Variants in DDX11 observed in about 807,000 individuals in gnomAD.
The protein encoded by DDX11 is DEAD/H-box helicase 11.
In DDX11, 72 loss-of-function variants were observed where a neutral mutation model predicts 125.2. That is an observed-to-expected ratio of 0.58 (90% CI 0.48 to 0.70). DDX11 has a LOEUF of 0.70. Ranked by LOEUF, DDX11 falls within the 30% of genes least tolerant of loss-of-function variation. The pLI, the probability that DDX11 is intolerant of heterozygous loss-of-function variation, is 0.00. For missense variants in DDX11, 883 were observed against 1,165.0 expected (o/e 0.76, Z 3.52); for synonymous variants, 347 against 452.6 (o/e 0.77, Z 2.96).
intron 6 of DDX11, 88 bp from the exon 7 acceptor site, chr12:31,088,956 C>G: frequency 9.4e-7 from 1 of 1,060,868 alleles, no homozygotes. Flanking sequence ...TTCCCTCAGC[C>G]TCTCAGGCCC....
intron 12 of DDX11, 86 bp downstream of exon 12, chr12:31,093,410 T>G (rs772476404): frequency 4.5e-6 from 7 of 1,568,150 alleles, no homozygotes; most frequent in Non-Finnish European, 6.1e-6. Context: ...GACACCTCAG[T>G]TCTCTGTGTT....
chr12:31,078,027 CATT>C (rs1254564818), intron 1 of DDX11: 3 of 390,920 alleles, frequency 7.7e-6, no homozygotes, highest in African/African-American at 6.3e-5. Context: ...CTGCAAAAGT[CATT>C]ATAAGCAACA....
intron 9 of DDX11, 41 bp downstream of exon 9, chr12:31,090,135 A>T (rs1943945197): frequency 1.9e-6 from 3 of 1,547,692 alleles, no homozygotes; most frequent in Non-Finnish European, 2.6e-6. Flanking sequence ...CTTGACTCTC[A>T]CTGTGGTCTA....
chr12:31,098,248 G>C (rs1370016203), intron 18 of DDX11, among the ~76,000 whole-genome samples: 1 of 152,244 alleles, frequency 6.6e-6, no homozygotes, highest in African/African-American at 2.4e-5. Context: ...CCCAGAGAAA[G>C]CTGTTCTGTG....
Position 31,091,750 on chromosome 12 carries a change from A to G in DDX11, c.1121A>G (p.His374Arg), listed in dbSNP as rs1944266628. Residue 374 changes from histidine (H) to arginine (R), a missense_variant, in exon 10 of 27, where the codon CAT becomes CGT. Transcript: ENST00000542838. Reference sequence around the variant, plus strand: ...GTGCTGCCCTATCAGATGCTGCTGCATGCGGCCACTCGGCAGGCCGCGGGC... The same window carrying G: ...GTGCTGCCCTATCAGATGCTGCTGCGTGCGGCCACTCGGCAGGCCGCGGGC... The part of the protein sequence containing the change: ...LVVLPYQMLL[H>R]AATRQAAGIR... 7 of 1,613,556 alleles carry G rather than the reference A, an allele frequency of 4.3e-6. No homozygotes were observed. The highest frequency in any genetic ancestry group is 1.1e-5 in the South Asian group (1 of 91,076).
intron 1 of DDX11, among the ~76,000 whole-genome samples, chr12:31,077,497 G>T (rs772994739): frequency 2.6e-5 from 4 of 151,864 alleles, no homozygotes; most frequent in African/African-American, 9.7e-5. Context: ...GGCTCTGTTC[G>T]GTGCTGGAAA....
intron 12 of DDX11, chr12:31,093,723 A>AAAAAAAAAAAG (rs1944683752): frequency 7.9e-6 from 1 of 126,194 alleles, no homozygotes; most frequent in Non-Finnish European, 1.6e-5. Context: ...TCAGTCTCAA[A>AAAAAAAAAAAG]AAAAAAAAAA....
chr12:31,094,138 G>C (rs1944787599), intron 12 of DDX11, among the ~76,000 whole-genome samples: 1 of 152,210 alleles, frequency 6.6e-6, no homozygotes, highest in South Asian at 2.1e-4. Flanking sequence ...TTTTATGATG[G>C]GGCACCCCCT....
At position 31,096,843 on chromosome 12, in the gene DDX11, G is replaced by A. The variant is rs372110755; in HGVS notation, c.1631-16G>A. 83 of 1,614,056 alleles carry A rather than the reference G, an allele frequency of 5.1e-5. No individual in the cohort carries two copies. Among genetic ancestry groups the A allele is most frequent in the African/African-American group, 9.3e-5 (7 of 74,922 alleles). On this transcript the variant is annotated splice_polypyrimidine_tract_variant and intron_variant, in intron 16 of 26. Coordinates refer to ENST00000542838, the MANE Select transcript of DDX11 (RefSeq NM_030653.4). ...CTGACCAGAGGGAGGCCTCCTCCCC[G>A]TTCTGCTCTGTGCAGCTCTTGCAGC...
At chr12:31,088,589 C>CTT (rs1402209867) in intron 6 of DDX11, among the ~76,000 whole-genome samples, 2 of 104,304 alleles carry the variant, frequency 1.9e-5, no homozygotes, top group East Asian at 5.9e-4. Flanking sequence ...TTTGTATTTT[C>CTT]TTTTTTTCTC....
chr12:31,097,170 A>G (rs1402763696), intron 17 of DDX11, among the ~76,000 whole-genome samples, 180 bp downstream of exon 17: 3 of 145,974 alleles, frequency 2.1e-5, no homozygotes, highest in Non-Finnish European at 4.5e-5. Context: ...ATGGGAGGAG[A>G]TCGAAGGGCT....
At chr12:31,096,294 C>T (rs1185029995) in intron 14 of DDX11, 47 bp from the exon 15 acceptor site, 3 of 1,419,358 alleles carry the variant, frequency 2.1e-6, no homozygotes, top group East Asian at 2.5e-5. Context: ...AAGATTATAG[C>T]TTGCTCAGTT....
At chr12:31,101,449 C>T (rs1488586370) in intron 20 of DDX11, 11 of 506,742 alleles carry the variant, frequency 2.2e-5, no homozygotes, top group East Asian at 7.6e-5. Context: ...CTGCCCCTGC[C>T]GGGGGTAGGG....
chr12:31,095,086 T>A (rs1944985714), intron 14 of DDX11, among the ~76,000 whole-genome samples: 1 of 152,218 alleles, frequency 6.6e-6, no homozygotes, highest in Admixed American at 6.5e-5. Flanking sequence ...TCTCACTCCG[T>A]CTTCTGGCAC....
At chr12:31,095,186 T>C (rs1476372319) in intron 14 of DDX11, among the ~76,000 whole-genome samples, 1 of 152,212 alleles carries the variant, frequency 6.6e-6, no homozygotes, top group Non-Finnish European at 1.5e-5. Flanking sequence ...TTGGGTCTGG[T>C]TGCAGCCTCA....
chr12:31,091,892 C>T lies in DDX11; in HGVS notation c.1242+21C>T, dbSNP rs751579079. Reference sequence around the variant, plus strand: ...CCCAGGTGTGTGGGCCTCCCCTCCCCGGGCCAGGGCCTGCTGTGACGTAAA... The same window carrying T: ...CCCAGGTGTGTGGGCCTCCCCTCCCTGGGCCAGGGCCTGCTGTGACGTAAA... On this transcript the variant is annotated intron_variant, in intron 10 of 26. Transcript: ENST00000542838. The T allele has an allele frequency of 1.8e-5, 29 of 1,613,612 alleles. No homozygotes were observed. The African/African-American group carries it at 3.1e-4, about 17-fold the overall frequency.
At chr12:31,099,848 C>G (rs1946066417) in intron 18 of DDX11, among the ~76,000 whole-genome samples, 2 of 152,022 alleles carry the variant, frequency 1.3e-5, no homozygotes, top group Admixed American at 6.6e-5. Flanking sequence ...CCATTCCCCA[C>G]CCCCATAGGG....
chr12:31,083,663 A>G lies in DDX11; in HGVS notation c.145-150A>G. 10 of 1,023,118 alleles carry G rather than the reference A, an allele frequency of 9.8e-6. No homozygotes were observed. The South Asian group carries it at 1.4e-4, about 15-fold the overall frequency. The allele number at this position is 1,023,118 out of a possible 1,614,324, so 63.4% of individuals were successfully genotyped here. ...GTTTTTCCTGGCTATTCTAGTGCTA[A>G]TTTCCTTCCTTTCCTTTCCTAGGCT... is the stretch of plus-strand genomic sequence containing the variant. On this transcript the variant is annotated intron_variant, in intron 2 of 26. Transcript: ENST00000542838.
chr12:31,078,357 A>G (rs1424789468), intron 1 of DDX11, 33 bp from the exon 2 acceptor site: 3 of 1,597,672 alleles, frequency 1.9e-6, no homozygotes, highest in African/African-American at 1.3e-5. Context: ...GGACCATGAG[A>G]GAGCTCCCTA....
Sources: gnomAD v4.1 joint callset for allele counts (sites outside exome capture counted in the v4.1 genomes callset) on GRCh38, gnomAD v4.1.1 for gene constraint, MANE v1.5 for transcripts, NCBI Gene and HGNC (gene_info 2026-07-23, HGNC 2026-07-21) for gene names.